Variants in FSTL5 observed in about 807,000 individuals in gnomAD.
The protein encoded by FSTL5 is follistatin like 5, also known as follistatin-related protein 5.
A neutral mutation model predicts 89.1 loss-of-function variants in FSTL5; 62 were observed. That is an observed-to-expected ratio of 0.70 (90% CI 0.57 to 0.86). FSTL5 has a LOEUF of 0.86. Ranked by LOEUF, FSTL5 falls within the 40% of genes least tolerant of loss-of-function variation. The probability of loss-of-function intolerance (pLI) is 0.00; values close to 1 mark genes in which losing one functional copy is unlikely to be tolerated. For missense variants in FSTL5, 1,057 were observed against 1,001.6 expected (o/e 1.06, Z -0.75); for synonymous variants, 383 against 346.2 (o/e 1.11, Z -1.18).
intron 12 of FSTL5, among the ~76,000 whole-genome samples, chr4:161,481,565 C>G (rs6837306): frequency 0.33 from 50,835 of 152,028 alleles, 8,876 homozygotes; most frequent in East Asian, 0.41. Flanking sequence ...TGGTGGCTGT[C>G]CTCATGGCAA....
intron 8 of FSTL5, among the ~76,000 whole-genome samples, chr4:161,569,124 A>T (rs1161478435): frequency 6.6e-6 from 1 of 152,164 alleles, no homozygotes; most frequent in East Asian, 1.9e-4. Context: ...GAGACTACAA[A>T]AACATACGTG....
chr4:162,057,253 C>T (rs1026143152), intron 2 of FSTL5, among the ~76,000 whole-genome samples: 1 of 152,168 alleles, frequency 6.6e-6, no homozygotes, highest in East Asian at 1.9e-4. Context: ...AGCTTTCCCT[C>T]TGCTCATTCC....
intron 15 of FSTL5, among the ~76,000 whole-genome samples, chr4:161,415,079 G>A (rs1459828101): frequency 2.0e-5 from 3 of 152,074 alleles, no homozygotes; most frequent in Admixed American, 6.6e-5. Flanking sequence ...ATAATGGTAC[G>A]ATGTCAAGAA....
chr4:161,411,073 C>A (rs1003337063), intron 15 of FSTL5, among the ~76,000 whole-genome samples: 1 of 143,252 alleles, frequency 7.0e-6, no homozygotes, highest in African/African-American at 2.5e-5. Flanking sequence ...CAACTCTATG[C>A]ACAGAAATTC....
intron 4 of FSTL5, among the ~76,000 whole-genome samples, chr4:161,872,128 G>GTTTTTTTGTTTGTTTTTTTT (rs1732282226): frequency 1.1e-3 from 73 of 64,114 alleles, no homozygotes; most frequent in South Asian, 2.4e-3. Flanking sequence ...TTTGTAGTTT[G>GTTTTTTTGTTTGTTTTTTTT]TTTTTTTTTT....
chr4:161,956,342 A>C (rs1356331711), intron 3 of FSTL5, among the ~76,000 whole-genome samples: 2 of 151,842 alleles, frequency 1.3e-5, no homozygotes, highest in Non-Finnish European at 2.9e-5. Context: ...TTACAGAAAA[A>C]TGCACGTATG....
intron 4 of FSTL5, among the ~76,000 whole-genome samples, chr4:161,856,698 G>A (rs1051360245): frequency 2.6e-5 from 4 of 151,132 alleles, no homozygotes; most frequent in African/African-American, 4.8e-5. Flanking sequence ...ATATGTATAC[G>A]TGTATGGCAA....
rs114334784 is a variant in FSTL5, at chr4:161,451,940, A to T, written c.1841+3064T>A. ...ACACGTGTCAAGAAGCTTTTCAGAC[A>T]CTGAAGATATAAATTATTTGAAATA... On this transcript the variant is annotated intron_variant, in intron 15 of 15. Transcript: ENST00000306100. Among the ~76,000 whole-genome samples, 576 of 152,348 alleles carry T rather than the reference A, an allele frequency of 3.8e-3. 4 individuals are homozygous for T. Among genetic ancestry groups the T allele is most frequent in the African/African-American group, 0.013 (524 of 41,590 alleles).
intron 7 of FSTL5, among the ~76,000 whole-genome samples, chr4:161,613,981 T>A (rs986902728): frequency 1.3e-4 from 20 of 152,332 alleles, no homozygotes; most frequent in Non-Finnish European, 2.4e-4. Context: ...CATTTCCAAA[T>A]ACATTTTATG....
chr4:161,457,523 T>C (rs1223653835), intron 14 of FSTL5, among the ~76,000 whole-genome samples: 2 of 152,084 alleles, frequency 1.3e-5, no homozygotes, highest in South Asian at 4.1e-4. Flanking sequence ...AACTATTTTG[T>C]GGTGGAATTG....
chr4:162,112,816 C>CACACACACACACACA (rs1731499530), intron 1 of FSTL5, among the ~76,000 whole-genome samples: 3 of 148,320 alleles, frequency 2.0e-5, no homozygotes, highest in African/African-American at 5.0e-5. Flanking sequence ...CACACACACA[C>CACACACACACACACA]CAGTGGGCAT....
At chr4:161,712,913 T>C (rs572947054) in intron 6 of FSTL5, among the ~76,000 whole-genome samples, 10 of 152,278 alleles carry the variant, frequency 6.6e-5, no homozygotes, top group Non-Finnish European at 1.5e-4. Flanking sequence ...TTGTAAGCTT[T>C]CTAAGGCCTC....
At chr4:162,074,574 G>A (rs1313483356) in intron 2 of FSTL5, among the ~76,000 whole-genome samples, 4 of 151,614 alleles carry the variant, frequency 2.6e-5, no homozygotes, top group African/African-American at 7.2e-5. Flanking sequence ...TGTGCACTGT[G>A]GAATTGTTCC....
In FSTL5 at chr4:161,860,085, T is replaced by G. The variant is rs150136695; in HGVS notation, c.409+60319A>C. On this transcript the variant is annotated intron_variant, in intron 4 of 15. Coordinates refer to ENST00000306100, the MANE Select transcript of FSTL5 (RefSeq NM_020116.5). ...GGGCGGATCACAAGGTCAGGAGATC[T>G]AGACCATCCTGGCTAGCGCAGTGAA... 2.2e-3 allele frequency among the ~76,000 whole-genome samples: 331 copies of G among 152,186 alleles called. 5 individuals are homozygous for G. In the East Asian group the frequency reaches 0.025, roughly 12 times the overall value.
chr4:161,536,058 T>C (rs1377991392), intron 10 of FSTL5, among the ~76,000 whole-genome samples: 1 of 151,780 alleles, frequency 6.6e-6, no homozygotes, highest in Non-Finnish European at 1.5e-5. Context: ...GACATAAAGA[T>C]GGGAAAAATG....
At chr4:161,686,324 ATATATATATATATATATATATATTTTT>A (rs1340059142) in intron 6 of FSTL5, among the ~76,000 whole-genome samples, 4 of 6,992 alleles carry the variant, frequency 5.7e-4, no homozygotes, top group African/African-American at 1.5e-3. Context: ...ATATATATAT[ATATATATATATATATATATATATTTTT>A]TTTTTTTTTT....
At chr4:161,806,275 T>C (rs1729962567) in intron 4 of FSTL5, among the ~76,000 whole-genome samples, 1 of 152,132 alleles carries the variant, frequency 6.6e-6, no homozygotes, top group Non-Finnish European at 1.5e-5. Flanking sequence ...CAGTGAGTTA[T>C]GGTAGCACCT....
intron 6 of FSTL5, among the ~76,000 whole-genome samples, chr4:161,669,841 TA>T (rs1221708658): frequency 6.6e-6 from 1 of 152,100 alleles, no homozygotes; most frequent in Non-Finnish European, 1.5e-5. Flanking sequence ...AGATAGATCA[TA>T]AGGTGTTTAT....
At chr4:161,486,370 C>A (rs986566400) in intron 12 of FSTL5, among the ~76,000 whole-genome samples, 1 of 151,932 alleles carries the variant, frequency 6.6e-6, no homozygotes, top group African/African-American at 2.4e-5. Context: ...CACTGCTAGA[C>A]AAGTACTGAA....
Sources: gnomAD v4.1 joint callset for allele counts (sites outside exome capture counted in the v4.1 genomes callset) on GRCh38, gnomAD v4.1.1 for gene constraint, MANE v1.5 for transcripts, NCBI Gene and HGNC (gene_info 2026-07-23, HGNC 2026-07-21) for gene names.